Variants in PACSIN1 observed in about 807,000 individuals in gnomAD.
PACSIN1 encodes the protein protein kinase C and casein kinase substrate in neurons protein 1.
In PACSIN1, 15 loss-of-function variants were observed where a neutral mutation model predicts 59.5. The ratio of observed to expected loss-of-function variants is 0.25; its 90% CI spans 0.17 to 0.39. PACSIN1 has a LOEUF of 0.39. PACSIN1 is among the 10% of genes least tolerant of loss of function. PACSIN1 has a pLI of 1.00. For missense variants in PACSIN1, 420 were observed against 580.2 expected, an observed-to-expected ratio of 0.72 and a Z score of 2.84; for synonymous variants, 210 against 220.6, an observed-to-expected ratio of 0.95 and a Z score of 0.42.
At chr6:34,510,709 C>G (rs943137002) in intron 1 of PACSIN1, among the ~76,000 whole-genome samples, 7 of 152,114 alleles carry the variant, frequency 4.6e-5, no homozygotes, top group African/African-American at 1.7e-4. Context: ...TCTCTTTAAC[C>G]CACGTTATTA....
rs141333699 is a variant in PACSIN1, at chr6:34,495,224, G to T, written c.-64+28954G>T. On this transcript the variant is annotated intron_variant, in intron 1 of 9. Transcript: ENST00000244458. ...ATCTCTTCCCTTAACTCTCCCAGTG[G>T]TTATTTAGATGTGCAAAAGGAGCTT... is the stretch of plus-strand genomic sequence containing the variant. 6.3e-3 allele frequency among the ~76,000 whole-genome samples: 965 copies of T among 152,276 alleles called. 7 individuals are homozygous for T. The highest frequency in any genetic ancestry group is 0.022 in the African/African-American group (899 of 41,560).
At chr6:34,481,545 C>G (rs1766719579) in intron 1 of PACSIN1, among the ~76,000 whole-genome samples, 1 of 151,994 alleles carries the variant, frequency 6.6e-6, no homozygotes. Flanking sequence ...TGGCGAGCGC[C>G]TGTAGTCCCA....
intron 1 of PACSIN1, among the ~76,000 whole-genome samples, chr6:34,503,296 A>T (rs1767056022): frequency 6.6e-6 from 1 of 152,082 alleles, no homozygotes; most frequent in Non-Finnish European, 1.5e-5. Context: ...AGAAAAAGAA[A>T]AAAAAAGCCT....
At chr6:34,485,393 G>T (rs114158225) in intron 1 of PACSIN1, among the ~76,000 whole-genome samples, 6 of 152,054 alleles carry the variant, frequency 3.9e-5, no homozygotes, top group Non-Finnish European at 8.8e-5. Context: ...GGGACAGGGG[G>T]CTGGGGCAGA....
At chr6:34,490,548 C>A (rs75489661) in intron 1 of PACSIN1, among the ~76,000 whole-genome samples, 1 of 152,032 alleles carries the variant, frequency 6.6e-6, no homozygotes, top group Non-Finnish European at 1.5e-5. Context: ...TTCTGATGAC[C>A]GAGCGCCGCC....
Position 34,518,152 on chromosome 6 carries a change from G to A in PACSIN1, c.-63-8091G>A, listed in dbSNP as rs1441558235. 6.6e-6 allele frequency among the ~76,000 whole-genome samples: 1 copy of A among 152,244 alleles called. No homozygotes were observed. Among genetic ancestry groups the A allele is most frequent in the Non-Finnish European group, 1.5e-5 (1 of 68,038 alleles). ...CTCTGCCCGGCCAGGCCCCGGAAGA[G>A]GGCAAGCTGCATGCATCCCACCCCA... On this transcript the variant is annotated intron_variant, in intron 1 of 9. Transcript: ENST00000244458. This position sits in a 1 kb window ranked among gnomAD's most constrained non-coding sequence, Gnocchi z 4.4.
At chr6:34,503,533 G>A (rs748436062) in intron 1 of PACSIN1, among the ~76,000 whole-genome samples, 2 of 152,186 alleles carry the variant, frequency 1.3e-5, no homozygotes, top group Non-Finnish European at 2.9e-5. Flanking sequence ...AGGCTGCTAT[G>A]TTGGACTGTG....
rs1767275999 is a variant in PACSIN1, at chr6:34,515,471, G to A, written c.-63-10772G>A. 6.6e-6 allele frequency among the ~76,000 whole-genome samples: 1 copy of A among 152,106 alleles called. No individual in the cohort carries two copies. Among genetic ancestry groups the A allele is most frequent in the South Asian group, 2.1e-4 (1 of 4,826 alleles). ...GTAAGGATGCCCCTGCCCCACTCAA[G>A]GCACTGCTAGGCTCTGGCCATTTGG... is the stretch of plus-strand genomic sequence containing the variant. On this transcript the variant is annotated intron_variant, in intron 1 of 9. Transcript: ENST00000244458. The surrounding 1 kb of genome is among the most constrained non-coding windows in gnomAD (Gnocchi z 4.4).
chr6:34,485,404 C>T (rs1249880899), intron 1 of PACSIN1, among the ~76,000 whole-genome samples: 1 of 152,002 alleles, frequency 6.6e-6, no homozygotes, highest in African/African-American at 2.4e-5. Context: ...CTGGGGCAGA[C>T]CCTGGCATCT....
intron 1 of PACSIN1, among the ~76,000 whole-genome samples, chr6:34,486,586 GGT>G (rs749415473): frequency 6.6e-6 from 1 of 152,182 alleles, no homozygotes; most frequent in Non-Finnish European, 1.5e-5. Flanking sequence ...ACAGCAAAAA[GGT>G]GACGTTGCCA....
At chr6:34,481,613 T>A (rs1348053012) in intron 1 of PACSIN1, among the ~76,000 whole-genome samples, 1 of 149,900 alleles carries the variant, frequency 6.7e-6, no homozygotes, top group Non-Finnish European at 1.5e-5. Context: ...GAGCTTGCAG[T>A]GAGCCGAGAT....
intron 1 of PACSIN1, among the ~76,000 whole-genome samples, chr6:34,507,079 C>T (rs1767127205): frequency 6.6e-6 from 1 of 152,188 alleles, no homozygotes; most frequent in Non-Finnish European, 1.5e-5. Context: ...TGGGTCTCTG[C>T]TGATCCTTTG....
chr6:34,517,565 C>G (rs1046461229), intron 1 of PACSIN1, among the ~76,000 whole-genome samples: 1 of 151,912 alleles, frequency 6.6e-6, no homozygotes, highest in Non-Finnish European at 1.5e-5. Context: ...GCTCCTCAAG[C>G]CTGGCAGCCG....
intron 1 of PACSIN1, among the ~76,000 whole-genome samples, chr6:34,478,062 T>A (rs780640873): frequency 9.3e-5 from 10 of 107,214 alleles, no homozygotes; most frequent in Non-Finnish European, 1.8e-4. Flanking sequence ...CCCTTTATCC[T>A]TTTTTTTTTT....
intron 1 of PACSIN1, among the ~76,000 whole-genome samples, chr6:34,501,930 G>A (rs1767030997): frequency 6.6e-6 from 1 of 151,454 alleles, no homozygotes. Flanking sequence ...TATTCGGGAG[G>A]CTGAGGCAGA....
intron 1 of PACSIN1, among the ~76,000 whole-genome samples, chr6:34,507,143 T>C (rs1215095351): frequency 6.6e-6 from 1 of 152,188 alleles, no homozygotes; most frequent in Admixed American, 6.5e-5. Context: ...TCTTTTTTAT[T>C]ATGTTTTAGA....
chr6:34,505,759 G>T (rs950397701), intron 1 of PACSIN1, among the ~76,000 whole-genome samples: 1 of 149,910 alleles, frequency 6.7e-6, no homozygotes, highest in Admixed American at 6.7e-5. Flanking sequence ...CAGCCTCCCC[G>T]GTAGCTGGGA....
Position 34,528,897 on chromosome 6 carries a change from A to AGGGGGGGG in PACSIN1, c.456+20_456+21insGGGGGGGG. ...AAGGAGGTGCTCAGTGGGTGCTGCC[A>AGGGGGGGG]CGGGCGGGGTGGGGTGGGCCCGTCT... On this transcript the variant is annotated intron_variant, in intron 4 of 9. Transcript: ENST00000244458. The AGGGGGGGG allele has an allele frequency of 2.1e-6, 1 of 465,354 alleles. No individual in the cohort carries two copies. The highest frequency in any genetic ancestry group is 4.0e-6 in the Non-Finnish European group (1 of 251,150). 28.8% of individuals were successfully genotyped at this position (465,354 alleles called of 1,614,324 possible).
rs367752016 is a variant in PACSIN1 at position 34,478,435 on chromosome 6, C to T, written c.-64+12165C>T. 5.7e-5 allele frequency among the ~76,000 whole-genome samples: 8 copies of T among 140,400 alleles called. No individual in the cohort carries two copies. The East Asian group carries it at 1.1e-3, about 19-fold the overall frequency. The allele number at this position is 140,400 out of a possible 152,430, so 92.1% of individuals were successfully genotyped here. On this transcript the variant is annotated intron_variant, in intron 1 of 9. Coordinates refer to ENST00000244458, the MANE Select transcript of PACSIN1 (RefSeq NM_020804.5). ...TCACCCAGGCTGGAGTGCAGTGGCA[C>T]GATCTCGGCTCACTTCAACCTCCGA...
Sources: allele counts gnomAD v4.1 joint callset (sites outside exome capture counted in the v4.1 genomes callset), GRCh38; gene constraint gnomAD v4.1.1; non-coding constraint Gnocchi (gnomAD v3.1); transcripts MANE v1.5; gene names NCBI Gene and HGNC (gene_info 2026-07-23, HGNC 2026-07-21).